GSE1: variants seen among roughly 807,000 people sequenced by gnomAD.
GSE1 encodes the protein genetic suppressor element 1.
Under a neutral mutation model 112.6 loss-of-function variants are expected in GSE1, and 32 were observed. That is an observed-to-expected ratio of 0.28 (90% CI 0.21 to 0.38). GSE1 has a LOEUF of 0.38. Among genes scored for constraint, GSE1 ranks in the 10% least tolerant of loss-of-function variants. The probability of loss-of-function intolerance (pLI) is 1.00; values close to 1 mark genes in which losing one functional copy is unlikely to be tolerated. For synonymous variants in GSE1, 1,115 were observed against 735.6 expected (o/e 1.52, Z -8.35); for missense variants, 2,348 against 1,699.2 (o/e 1.38, Z -6.71).
Position 85,666,148 on chromosome 16 carries a change from C to G in GSE1, c.2931C>G (p.Ser977Arg), listed in dbSNP as rs770196664. Residue 977 changes from serine (S) to arginine (R), a missense_variant, in exon 13 of 16, where the codon AGC (serine) becomes AGG (arginine). Physicochemically the swap from Ser to Arg is moderately radical, Grantham distance 110. Transcript: ENST00000253458. The stretch of plus-strand genomic sequence containing the variant: ...CCAGCGGGGAGAAGGCCAGGCTGAG[C>G]GAGGCCCCTGGAGGCAAAAAGAGTC... ...APASGEKARL[S>R]EAPGGKKSLS... The G allele has an allele frequency of 1.3e-5, 21 of 1,613,350 alleles. No individual in the cohort carries two copies. The highest frequency in any genetic ancestry group is 1.7e-5 in the Non-Finnish European group (20 of 1,179,998).
At chr16:85,560,028 G>C (rs866575352) in intron 1 of GSE1, among the ~76,000 whole-genome samples, 9 of 151,792 alleles carry the variant, frequency 5.9e-5, no homozygotes, top group Middle Eastern at 6.8e-3. Context: ...CTTGTCGAGT[G>C]ATAACTGTAA....
At chr16:85,661,895 T>C (rs73253236) in intron 9 of GSE1, 130 bp downstream of exon 9, 1 of 897,598 alleles carries the variant, frequency 1.1e-6, no homozygotes, top group Non-Finnish European at 1.6e-6. Context: ...AGGCCCCAGG[T>C]GGCAAGTGCA....
At chr16:85,209,021 G>T (rs1156401994) in intron 1 of GSE1, among the ~76,000 whole-genome samples, 1 of 151,878 alleles carries the variant, frequency 6.6e-6, no homozygotes, top group African/African-American at 2.4e-5. Flanking sequence ...GCTGCGTGTT[G>T]GGGTTCGCCT....
intron 2 of GSE1, among the ~76,000 whole-genome samples, chr16:85,500,306 A>G (rs2051317396): frequency 6.6e-6 from 1 of 152,220 alleles, no homozygotes; most frequent in East Asian, 1.9e-4. Flanking sequence ...AGAAGTGATA[A>G]ACAGATCTTT....
chr16:85,652,447 A>T (rs1262937263), intron 3 of GSE1, among the ~76,000 whole-genome samples: 1 of 152,190 alleles, frequency 6.6e-6, no homozygotes. Flanking sequence ...CTGGAGAGGC[A>T]GGTCAGAAGT....
At chr16:85,585,607 C>T (rs1455863321) in intron 1 of GSE1, among the ~76,000 whole-genome samples, 7 of 152,246 alleles carry the variant, frequency 4.6e-5, no homozygotes, top group African/African-American at 1.7e-4. Context: ...CAGCCCCAGT[C>T]TAGACCCCTC....
intron 1 of GSE1, among the ~76,000 whole-genome samples, chr16:85,350,469 C>G (rs892969315): frequency 2.6e-5 from 4 of 152,148 alleles, no homozygotes; most frequent in African/African-American, 9.7e-5. Context: ...GGCTCCAGGC[C>G]AGCAGCTAGG....
intron 1 of GSE1, chr16:85,583,554 C>G (rs1379141271): frequency 3.8e-5 from 5 of 132,614 alleles, no homozygotes; most frequent in African/African-American, 1.3e-4. Context: ...CGCCTGAAGT[C>G]ACACACGCAG....
At chr16:85,468,165 G>A (rs944950388) in intron 2 of GSE1, among the ~76,000 whole-genome samples, 2 of 139,138 alleles carry the variant, frequency 1.4e-5, no homozygotes, top group African/African-American at 2.7e-5. Flanking sequence ...TGTACTTGGG[G>A]TTCCTTGAAC....
intron 1 of GSE1, among the ~76,000 whole-genome samples, chr16:85,614,276 G>A (rs1294911336): frequency 6.6e-6 from 1 of 152,194 alleles, no homozygotes; most frequent in Non-Finnish European, 1.5e-5. Context: ...GCCCGACCGA[G>A]TGGAGCCGAT....
chr16:85,531,551 C>T (rs1035216767), intron 2 of GSE1, among the ~76,000 whole-genome samples: 9 of 152,316 alleles, frequency 5.9e-5, no homozygotes, highest in Non-Finnish European at 1.3e-4. Flanking sequence ...CCCTGGAACC[C>T]AAGGATGGCC....
chr16:85,176,314 T>C (rs1463624341), intron 1 of GSE1, among the ~76,000 whole-genome samples: 1 of 152,204 alleles, frequency 6.6e-6, no homozygotes, highest in Non-Finnish European at 1.5e-5. Context: ...GCTCTTAATT[T>C]CCTGTGTGTG....
At chr16:85,302,634 C>A (rs1382293245) in intron 1 of GSE1, among the ~76,000 whole-genome samples, 1 of 152,162 alleles carries the variant, frequency 6.6e-6, no homozygotes, top group African/African-American at 2.4e-5. Flanking sequence ...ATGTGGATTG[C>A]AGGACCTCAT....
intron 14 of GSE1, among the ~76,000 whole-genome samples, chr16:85,668,994 T>G (rs906310505): frequency 1.3e-5 from 2 of 152,262 alleles, no homozygotes; most frequent in African/African-American, 4.8e-5. Flanking sequence ...CACCTGGGAA[T>G]GCACACACCA....
At chr16:85,530,712 G>A (rs1423435511) in intron 2 of GSE1, among the ~76,000 whole-genome samples, 1 of 152,204 alleles carries the variant, frequency 6.6e-6, no homozygotes, top group African/African-American at 2.4e-5. Flanking sequence ...ACCCAGCCGG[G>A]GAATCCAAGT....
chr16:85,605,064 G>T (rs916206197), intron 1 of GSE1, among the ~76,000 whole-genome samples: 3 of 150,418 alleles, frequency 2.0e-5, no homozygotes, highest in South Asian at 2.1e-4. Context: ...TGATCCGTCC[G>T]CCTCGGCCTC....
chr16:85,634,108 G>A lies in GSE1; in HGVS notation c.202G>A (p.Ala68Thr), dbSNP rs746071025. The A allele has an allele frequency of 3.8e-6, 6 of 1,560,086 alleles. No individual in the cohort carries two copies. Among genetic ancestry groups the A allele is most frequent in the Non-Finnish European group, 4.3e-6 (5 of 1,158,000 alleles). The change falls in exon 2 of 16, where the codon GCC (alanine) becomes ACC (threonine). Residue 68 changes from alanine (A) to threonine (T), a missense_variant. By Grantham distance (58) the Ala-to-Thr change is moderately conservative. Transcript: ENST00000253458. ...SSFAAALRKL[A>T]KQAEEPRGSS... ...CTTTGCCGCCGCGCTGCGCAAGCTC[G>A]CCAAACAGGCGGAGGAGCCCAGAGG...
At chr16:85,425,524 C>G (rs938623337) in intron 2 of GSE1, among the ~76,000 whole-genome samples, 7 of 152,170 alleles carry the variant, frequency 4.6e-5, no homozygotes, top group African/African-American at 1.7e-4. Flanking sequence ...GGCTGGTCTC[C>G]TCCTAGCGGG....
chr16:85,513,391 C>A (rs1432338604), intron 2 of GSE1, among the ~76,000 whole-genome samples: 1 of 152,136 alleles, frequency 6.6e-6, no homozygotes, highest in African/African-American at 2.4e-5. Flanking sequence ...CCCATTTGCT[C>A]CTGAGTATTG....
Sources: gnomAD v4.1 joint callset for allele counts (sites outside exome capture counted in the v4.1 genomes callset) on GRCh38, gnomAD v4.1.1 for gene constraint, MANE v1.5 for transcripts, NCBI Gene and HGNC (gene_info 2026-07-23, HGNC 2026-07-21) for gene names.